The following LY96 variants were observed in gnomAD, a reference collection of about 807,000 sequenced individuals.
LY96 encodes lymphocyte antigen 96, also known as myeloid differentiation protein-2.
Under a neutral mutation model 18.9 loss-of-function variants are expected in LY96, and 18 were observed. The observed-to-expected ratio is 0.95, with a 90% confidence interval of 0.66 to 1.41. The LOEUF (loss-of-function observed/expected upper bound fraction) is 1.41. LY96 is among the 40% of genes most tolerant of loss of function. The pLI is 0.00. For synonymous variants in LY96, 66 were observed against 62.6 expected (o/e 1.06, Z -0.26); for missense variants, 175 against 182.4 (o/e 0.96, Z 0.23).
chr8:73,993,457 A>T (rs1816053089), intron 1 of LY96, among the ~76,000 whole-genome samples: 1 of 151,508 alleles, frequency 6.6e-6, no homozygotes, highest in Admixed American at 6.6e-5. Flanking sequence ...TAATTAAATA[A>T]TTTTTTTTGA....
At chr8:74,093,437 C>T in the LY96 span, among the ~76,000 whole-genome samples, 6 of 152,136 alleles carry the variant, frequency 3.9e-5, no homozygotes, top group Non-Finnish European at 5.9e-5. Context: ...TTGTGGATTG[C>T]GATGGGGGAA....
the LY96 span, chr8:74,056,784 G>T: frequency 6.6e-6 from 1 of 152,378 alleles, no homozygotes; most frequent in Admixed American, 6.5e-5. Flanking sequence ...AAGTTTGAAA[G>T]TGGATTTTCC....
chr8:74,060,651 G>A, the LY96 span, among the ~76,000 whole-genome samples: 1 of 152,220 alleles, frequency 6.6e-6, no homozygotes, highest in Non-Finnish European at 1.5e-5. Context: ...TACTGCACAG[G>A]CATAGCCCTC....
chr8:74,052,689 G>T, the LY96 span: 2 of 152,190 alleles, frequency 1.3e-5, no homozygotes, highest in Non-Finnish European at 2.9e-5. Flanking sequence ...ATGCACCTAG[G>T]AAGTAAGGTA....
At chr8:74,054,575 C>A in the LY96 span, among the ~76,000 whole-genome samples, 3 of 116,122 alleles carry the variant, frequency 2.6e-5, no homozygotes, top group African/African-American at 9.8e-5. Context: ...TTCCCTCCCT[C>A]CCCCCTCCCT....
chr8:74,030,629 C>T (rs1364524382), downstream of LY96, among the ~76,000 whole-genome samples: 2 of 152,150 alleles, frequency 1.3e-5, no homozygotes, highest in Admixed American at 6.5e-5. Flanking sequence ...CTAAACTCCT[C>T]GTGTGTGTTT....
At chr8:74,079,149 G>GGAAAGGCCCAGCTAGAACA in the LY96 span, among the ~76,000 whole-genome samples, 1 of 152,184 alleles carries the variant, frequency 6.6e-6, no homozygotes, top group African/African-American at 2.4e-5. Context: ...GAAAGGCGGA[G>GGAAAGGCCCAGCTAGAACA]GAAAGGTGAA....
chr8:74,050,814 G>C, the LY96 span, among the ~76,000 whole-genome samples: 1 of 152,130 alleles, frequency 6.6e-6, no homozygotes, highest in African/African-American at 2.4e-5. Flanking sequence ...ACGAGGTCAG[G>C]AGTTTGAGAC....
At chr8:73,992,979 T>C (rs1314637876) in intron 1 of LY96, among the ~76,000 whole-genome samples, 1 of 151,360 alleles carries the variant, frequency 6.6e-6, no homozygotes, top group East Asian at 2.0e-4. Context: ...CTCAGCCTCC[T>C]GAGTAGCTGG....
intron 1 of LY96, among the ~76,000 whole-genome samples, chr8:73,998,319 A>G (rs1330410695): frequency 6.6e-6 from 1 of 152,118 alleles, no homozygotes; most frequent in East Asian, 1.9e-4. Context: ...TATGTTTCTT[A>G]TTATATCACA....
chr8:74,096,939 A>G, the LY96 span, among the ~76,000 whole-genome samples: 1 of 152,160 alleles, frequency 6.6e-6, no homozygotes, highest in African/African-American at 2.4e-5. Flanking sequence ...TGGGAGAGAG[A>G]AAAAGAGAGC....
chr8:74,073,921 G>C, the LY96 span, among the ~76,000 whole-genome samples: 6 of 152,032 alleles, frequency 3.9e-5, no homozygotes. Context: ...GCCTCTCAAA[G>C]TGCTGGGATT....
the LY96 span, among the ~76,000 whole-genome samples, chr8:74,078,029 G>A: frequency 1.3e-5 from 2 of 151,854 alleles, no homozygotes; most frequent in African/African-American, 2.4e-5. Flanking sequence ...GATTGCTTGA[G>A]CCGAGGAATT....
At chr8:73,997,233 T>C (rs1816168450) in intron 1 of LY96, among the ~76,000 whole-genome samples, 1 of 152,182 alleles carries the variant, frequency 6.6e-6, no homozygotes, top group African/African-American at 2.4e-5. Flanking sequence ...GAAGTATCCT[T>C]AAGTATCTCT....
intron 4 of LY96, among the ~76,000 whole-genome samples, chr8:74,027,553 C>T (rs935897027): frequency 2.0e-5 from 3 of 152,184 alleles, no homozygotes; most frequent in Admixed American, 1.3e-4. Context: ...GATCCACCCA[C>T]CTTTGTTCCT....
chr8:73,996,372 C>CATTCATTT (rs756373007), intron 1 of LY96, among the ~76,000 whole-genome samples: 8 of 110,910 alleles, frequency 7.2e-5, no homozygotes, highest in African/African-American at 2.8e-4. Flanking sequence ...TTCCTTCATT[C>CATTCATTT]CTTTCTTTCT....
the LY96 span, among the ~76,000 whole-genome samples, chr8:74,036,524 T>C: frequency 6.6e-6 from 1 of 152,234 alleles, no homozygotes; most frequent in Non-Finnish European, 1.5e-5. Context: ...GACTCATTAC[T>C]CAACTGGTCC....
At chr8:74,027,128 C>T (rs563013665) in intron 4 of LY96, among the ~76,000 whole-genome samples, 13 of 151,978 alleles carry the variant, frequency 8.6e-5, no homozygotes, top group East Asian at 1.9e-4. Context: ...TTGGAAGAGA[C>T]GCGGTTTCAC....
chr8:74,069,665 C>T, the LY96 span, among the ~76,000 whole-genome samples: 1 of 152,036 alleles, frequency 6.6e-6, no homozygotes, highest in African/African-American at 2.4e-5. Flanking sequence ...TGCAATGGTG[C>T]CATCTTGGCT....
Sources: gnomAD v4.1 joint callset for allele counts (sites outside exome capture counted in the v4.1 genomes callset) on GRCh38, gnomAD v4.1.1 for gene constraint, MANE v1.5 for transcripts, NCBI Gene and HGNC (gene_info 2026-07-23, HGNC 2026-07-21) for gene names.